WDR72: variants seen among roughly 807,000 people sequenced by gnomAD.
WDR72 encodes WD repeat-containing protein 72.
Under a neutral mutation model 124.2 loss-of-function variants are expected in WDR72, and 120 were observed. The observed-to-expected ratio is 0.97, with a 90% CI of 0.83 to 1.12. WDR72 has a LOEUF of 1.12. Ranked by LOEUF, WDR72 falls within the 50% of genes most tolerant of loss-of-function variation. The pLI, the probability that WDR72 is intolerant of heterozygous loss-of-function variation, is 0.00. For synonymous variants in WDR72, 452 were observed against 441.7 expected, an observed-to-expected ratio of 1.02 and a Z score of -0.29; for missense variants, 1,387 against 1,278.8, an observed-to-expected ratio of 1.08 and a Z score of -1.29.
At chr15:53,594,704 A>G (rs1283020477) in intron 18 of WDR72, among the ~76,000 whole-genome samples, 1 of 150,936 alleles carries the variant, frequency 6.6e-6, no homozygotes, top group Non-Finnish European at 1.5e-5. Context: ...ACGCAGGAGG[A>G]TCATTTTATT....
upstream of WDR72, among the ~76,000 whole-genome samples, chr15:53,760,719 T>C (rs2019046843): frequency 6.6e-6 from 1 of 152,166 alleles, no homozygotes; most frequent in South Asian, 2.1e-4. Flanking sequence ...TGCTGGATCA[T>C]ATGGTAGTTC....
At chr15:53,642,666 A>G (rs1019527850) in intron 14 of WDR72, among the ~76,000 whole-genome samples, 2 of 152,060 alleles carry the variant, frequency 1.3e-5, no homozygotes, top group Non-Finnish European at 2.9e-5. Flanking sequence ...AGTATTTTGG[A>G]AAGTCTTAAA....
intron 18 of WDR72, among the ~76,000 whole-genome samples, chr15:53,529,164 A>ATATATATATATTTTTTTTTT (rs59003623): frequency 3.8e-5 from 3 of 78,162 alleles, no homozygotes; most frequent in African/African-American, 1.5e-4. Context: ...ATATATATAT[A>ATATATATATATTTTTTTTTT]TTTTTTTTTT....
intron 14 of WDR72, among the ~76,000 whole-genome samples, chr15:53,618,527 T>C (rs1261421875): frequency 1.3e-5 from 2 of 152,142 alleles, no homozygotes; most frequent in East Asian, 3.9e-4. Context: ...ATCCTCTCAA[T>C]GGAATAATGT....
intron 18 of WDR72, among the ~76,000 whole-genome samples, chr15:53,528,902 T>C (rs1261873307): frequency 6.6e-6 from 1 of 151,954 alleles, no homozygotes; most frequent in Non-Finnish European, 1.5e-5. Context: ...GTAAGGCTGA[T>C]AAGCAAGCAG....
In WDR72 at chr15:53,516,618, A is replaced by T. The variant is rs1470486809; in HGVS notation, c.*1081T>A. On this transcript the variant is annotated 3_prime_UTR_variant, in exon 20 of 20. Transcript: ENST00000360509. The stretch of plus-strand genomic sequence containing the variant: ...CCTGAGGCTGCTCCTATGCTCAGAG[A>T]TATGTTTCTTCAATTGAAGTGACTT... 6.6e-6 allele frequency: 1 copy of T among 152,014 alleles called. No homozygotes were observed. Among genetic ancestry groups the T allele is most frequent in the East Asian group, 1.9e-4 (1 of 5,184 alleles). 9.4% of individuals were successfully genotyped at this position (152,014 alleles called of 1,614,324 possible). A position where few individuals can be genotyped will look rare whatever the true frequency, so the allele number is the denominator to read the frequency against.
chr15:53,587,496 G>T (rs1241174474), intron 18 of WDR72, among the ~76,000 whole-genome samples: 1 of 151,892 alleles, frequency 6.6e-6, no homozygotes, highest in African/African-American at 2.4e-5. Context: ...CCAGGATTTT[G>T]CACATAATAC....
chr15:53,675,030 T>G (rs2016119481), intron 13 of WDR72, among the ~76,000 whole-genome samples: 1 of 152,240 alleles, frequency 6.6e-6, no homozygotes, highest in African/African-American at 2.4e-5. Context: ...TCAACACATT[T>G]TAAACTAGGG....
intron 18 of WDR72, among the ~76,000 whole-genome samples, chr15:53,560,723 A>C (rs1441625703): frequency 6.6e-6 from 1 of 151,878 alleles, no homozygotes; most frequent in Non-Finnish European, 1.5e-5. Flanking sequence ...TATTTTGCTA[A>C]GGAGTTTAAC....
intron 14 of WDR72, among the ~76,000 whole-genome samples, chr15:53,643,658 C>A (rs2140415701): frequency 6.6e-6 from 1 of 152,178 alleles, no homozygotes; most frequent in East Asian, 1.9e-4. Flanking sequence ...TAACTCCTCA[C>A]ACACCTAGGG....
intron 18 of WDR72, among the ~76,000 whole-genome samples, chr15:53,531,441 G>C (rs1243949089): frequency 6.6e-6 from 1 of 152,012 alleles, no homozygotes; most frequent in Non-Finnish European, 1.5e-5. Flanking sequence ...AAAAGTATTA[G>C]TTTTATTGAG....
At chr15:53,705,312 C>T (rs1419338502) in intron 10 of WDR72, 79 bp from the exon 11 acceptor site, 2 of 1,364,422 alleles carry the variant, frequency 1.5e-6, no homozygotes, top group African/African-American at 1.4e-5. Flanking sequence ...GGCACCCTCC[C>T]TTCAAAAATA....
chr15:53,675,358 AT>A (rs1427146418), intron 13 of WDR72, among the ~76,000 whole-genome samples: 25 of 145,004 alleles, frequency 1.7e-4, no homozygotes, highest in South Asian at 8.7e-4. Context: ...AAAAAAAAAA[AT>A]CTACTATGAC....
At chr15:53,590,391 A>C (rs2012436818) in intron 18 of WDR72, among the ~76,000 whole-genome samples, 2 of 152,032 alleles carry the variant, frequency 1.3e-5, no homozygotes, top group Admixed American at 1.3e-4. Context: ...TTACATCTTT[A>C]TTGGAATAAC....
At chr15:53,605,617 G>A (rs2013246996) in intron 17 of WDR72, among the ~76,000 whole-genome samples, 1 of 152,238 alleles carries the variant, frequency 6.6e-6, no homozygotes, top group African/African-American at 2.4e-5. Flanking sequence ...CACTTTGGGA[G>A]GCCAAGGCGG....
At chr15:53,680,292 T>C (rs2016335636) in intron 13 of WDR72, among the ~76,000 whole-genome samples, 1 of 152,200 alleles carries the variant, frequency 6.6e-6, no homozygotes, top group Admixed American at 6.5e-5. Context: ...GTTTTATCTA[T>C]GCCCTCTATG....
intron 18 of WDR72, among the ~76,000 whole-genome samples, 183 bp downstream of exon 18, chr15:53,596,895 CT>C (rs1384653208): frequency 6.6e-6 from 1 of 152,102 alleles, no homozygotes; most frequent in Non-Finnish European, 1.5e-5. Context: ...ATCCTATGAC[CT>C]TTTCAACTTA....
At chr15:53,743,804 T>A (rs2018571775) in intron 1 of WDR72, among the ~76,000 whole-genome samples, 1 of 151,824 alleles carries the variant, frequency 6.6e-6, no homozygotes, top group Admixed American at 6.6e-5. Flanking sequence ...TGAAACCCCG[T>A]CTCTACTAAA....
intron 17 of WDR72, among the ~76,000 whole-genome samples, chr15:53,598,949 C>T (rs372225253): frequency 5.9e-5 from 9 of 151,948 alleles, no homozygotes; most frequent in Non-Finnish European, 1.2e-4. Context: ...CATGGTGAAA[C>T]CCCGTCTGTA....
Sources: gnomAD v4.1 joint callset for allele counts (sites outside exome capture counted in the v4.1 genomes callset) on GRCh38, gnomAD v4.1.1 for gene constraint, MANE v1.5 for transcripts, NCBI Gene and HGNC (gene_info 2026-07-23, HGNC 2026-07-21) for gene names.